Variants in PLEKHA6 observed in about 807,000 individuals in gnomAD.
The protein encoded by PLEKHA6 is pleckstrin homology domain-containing family A member 6.
PLEKHA6 carries 60 observed loss-of-function variants against 116.7 expected under a neutral mutation model. The ratio of observed to expected loss-of-function variants is 0.51; its 90% confidence interval spans 0.42 to 0.64. The LOEUF is 0.64. PLEKHA6 is among the 30% of genes least tolerant of loss of function. The pLI, the probability that PLEKHA6 is intolerant of heterozygous loss-of-function variation, is 0.00. For missense variants in PLEKHA6, 1,338 were observed against 1,422.7 expected (o/e 0.94, Z 0.96); for synonymous variants, 489 against 556.1 (o/e 0.88, Z 1.70).
At position 204,287,091 on chromosome 1, in the gene PLEKHA6, G is replaced by A. The variant is rs183614476; in HGVS notation, c.-94-12282C>T. On this transcript the variant is annotated intron_variant, in intron 1 of 22. Transcript: ENST00000272203. The stretch of plus-strand genomic sequence containing the variant: ...CACCTAATAGGCTCTCCAGAGCCCC[G>A]AGTTCCTCCCTAGGTTCAACCTAGC... Among the ~76,000 whole-genome samples the A allele has an allele frequency of 2.0e-4, 31 of 152,192 alleles. No individual in the cohort carries two copies. In the East Asian group the frequency reaches 4.3e-3, roughly 21 times the overall value.
At chr1:204,245,764 T>A (rs1318006971) in intron 13 of PLEKHA6, 38 bp from the exon 14 acceptor site, 1 of 1,430,610 alleles carries the variant, frequency 7.0e-7, no homozygotes, top group Non-Finnish European at 9.8e-7. Context: ...GAAATGGCCA[T>A]GAGGAGTGTC....
chr1:204,253,484 T>C (rs1664837541), intron 9 of PLEKHA6, among the ~76,000 whole-genome samples: 1 of 152,116 alleles, frequency 6.6e-6, no homozygotes, highest in Non-Finnish European at 1.5e-5. Context: ...ATCGCGCCAC[T>C]GCACTCCAGC....
At chr1:204,323,225 C>A (rs549924697) in intron 1 of PLEKHA6, among the ~76,000 whole-genome samples, 1 of 152,376 alleles carries the variant, frequency 6.6e-6, no homozygotes, top group Admixed American at 6.5e-5. Flanking sequence ...GGAGGCCCCC[C>A]TCTGCACTTA....
At chr1:204,312,797 C>T (rs368672517) in intron 1 of PLEKHA6, among the ~76,000 whole-genome samples, 8 of 152,324 alleles carry the variant, frequency 5.3e-5, no homozygotes, top group Admixed American at 3.3e-4. Context: ...CTCTAGTGCA[C>T]TCTCTGAGAA....
At chr1:204,365,028 C>A (rs1044284457) in intron 3 of PLEKHA6, among the ~76,000 whole-genome samples, 1 of 152,066 alleles carries the variant, frequency 6.6e-6, no homozygotes, top group African/African-American at 2.4e-5. Context: ...TGGGCATGAG[C>A]CACATGAGGA....
chr1:204,313,206 A>G (rs953376706), intron 1 of PLEKHA6, among the ~76,000 whole-genome samples: 1 of 151,874 alleles, frequency 6.6e-6, no homozygotes, highest in Admixed American at 6.6e-5. Context: ...AGTGGGACCA[A>G]CTGTGCCCAG....
intron 1 of PLEKHA6, among the ~76,000 whole-genome samples, chr1:204,353,217 T>C (rs1266926524): frequency 6.6e-6 from 1 of 152,122 alleles, no homozygotes; most frequent in South Asian, 2.1e-4. Flanking sequence ...ACATCACAGA[T>C]ACAAATAAGA....
chr1:204,235,589 T>C (rs1043554790), intron 17 of PLEKHA6, among the ~76,000 whole-genome samples: 3 of 152,030 alleles, frequency 2.0e-5, no homozygotes, highest in Admixed American at 6.5e-5. Flanking sequence ...CAATGAAAAA[T>C]GCATGCACAG....
At chr1:204,301,502 C>T (rs1390532796) in intron 1 of PLEKHA6, 1 of 984,558 alleles carries the variant, frequency 1.0e-6, no homozygotes, top group Non-Finnish European at 1.2e-6. Flanking sequence ...CCACCCAAGT[C>T]CCCACCTCAT....
intron 5 of PLEKHA6, among the ~76,000 whole-genome samples, chr1:204,267,047 G>T (rs762508525): frequency 1.3e-5 from 2 of 152,222 alleles, no homozygotes; most frequent in African/African-American, 2.4e-5. Flanking sequence ...ACTGACAAAA[G>T]TTCCTGCCTT....
At chr1:204,235,229 C>T (rs1661866725) in intron 17 of PLEKHA6, among the ~76,000 whole-genome samples, 1 of 151,682 alleles carries the variant, frequency 6.6e-6, no homozygotes, top group Non-Finnish European at 1.5e-5. Context: ...GTATGGAGAA[C>T]ACTGATAGTC....
chr1:204,261,596 G>A lies in PLEKHA6; in HGVS notation c.382-148C>T, dbSNP rs1239198233. ...GGGGCTCTTCCCCATGCGGAGCTCA[G>A]GAGCAAGGTGAAGAGGGCAGCTTGC... On this transcript the variant is annotated intron_variant, in intron 6 of 22. Transcript: ENST00000272203. This position sits in a 1 kb window ranked among gnomAD's most constrained non-coding sequence, Gnocchi z 4.0. 30 of 870,044 alleles carry A rather than the reference G, an allele frequency of 3.4e-5. No individual in the cohort carries two copies. In the Middle Eastern group the frequency reaches 1.1e-3, roughly 31 times the overall value. 53.9% of individuals were successfully genotyped at this position (870,044 alleles called of 1,614,324 possible). A position where few individuals can be genotyped will look rare whatever the true frequency, so the allele number is the denominator to read the frequency against.
intron 1 of PLEKHA6, chr1:204,307,963 T>C (rs961774505): frequency 1.5e-5 from 13 of 873,444 alleles, no homozygotes; most frequent in Non-Finnish European, 6.9e-6. Flanking sequence ...TATTAGGGAA[T>C]ATTCTCCTAA....
At chr1:204,342,231 G>A (rs1672870803) in intron 1 of PLEKHA6, among the ~76,000 whole-genome samples, 4 of 152,182 alleles carry the variant, frequency 2.6e-5, no homozygotes, top group Admixed American at 2.6e-4. Context: ...TATGAGCTGA[G>A]CACAGTGGTG....
intron 9 of PLEKHA6, among the ~76,000 whole-genome samples, chr1:204,254,568 G>A (rs984404136): frequency 6.6e-6 from 1 of 152,246 alleles, no homozygotes; most frequent in East Asian, 1.9e-4. Context: ...CACTGTCCAA[G>A]CTCGGCTGTT....
chr1:204,347,000 T>C, intron 1 of PLEKHA6: 1 of 1,340,544 alleles, frequency 7.5e-7, no homozygotes, highest in Non-Finnish European at 1.1e-6. Flanking sequence ...TTAATTCTCT[T>C]GGCAAGAATC....
At position 204,257,439 on chromosome 1, in the gene PLEKHA6, G is replaced by A. The variant is rs746671918; in HGVS notation, c.1438C>T (p.Arg480Cys). The change falls in exon 9 of 23, where the codon CGT becomes TGT. Residue 480 changes from arginine to cysteine, a missense_variant. Arg to Cys is a radical substitution (Grantham distance 180). Transcript: ENST00000272203. This position sits in a 1 kb window ranked among gnomAD's most constrained non-coding sequence, Gnocchi z 6.5. ...IYSPVRSPSA[R>C]FERLPPRSED... ...CTGCGAGGTGGCAGCCGCTCAAAAC[G>A]GGCACTGGGTGAGCGGACAGGGGAG... The A allele has an allele frequency of 7.7e-6, 12 of 1,568,330 alleles. No homozygotes were observed. The East Asian group carries it at 1.6e-4, about 21-fold the overall frequency.
intron 2 of PLEKHA6, among the ~76,000 whole-genome samples, chr1:204,370,170 TC>T (rs1408654509): frequency 5.9e-5 from 9 of 152,226 alleles, no homozygotes; most frequent in Admixed American, 3.3e-4. Context: ...GCCAGGTACT[TC>T]CTCTCTGTTC....
At chr1:204,251,265 C>G (rs1261346047) in intron 9 of PLEKHA6, among the ~76,000 whole-genome samples, 2 of 152,204 alleles carry the variant, frequency 1.3e-5, no homozygotes, top group African/African-American at 4.8e-5. Context: ...TCAGAACATT[C>G]AAGAGCAGAG....
Sources: gnomAD v4.1 joint callset for allele counts (sites outside exome capture counted in the v4.1 genomes callset) on GRCh38, gnomAD v4.1.1 for gene constraint, Gnocchi (gnomAD v3.1) non-coding constraint, MANE v1.5 for transcripts, NCBI Gene and HGNC (gene_info 2026-07-23, HGNC 2026-07-21) for gene names.